The following ALDH1A1 variants were observed in gnomAD, a reference collection of about 807,000 sequenced individuals.
ALDH1A1 encodes aldehyde dehydrogenase 1A1.
ALDH1A1 carries 19 observed loss-of-function variants against 62.1 expected under a neutral mutation model. The observed-to-expected ratio is 0.31, with a 90% CI of 0.21 to 0.45. ALDH1A1 has a LOEUF of 0.45. Among genes scored for constraint, ALDH1A1 ranks in the 20% least tolerant of loss-of-function variants. The pLI, the probability that ALDH1A1 is intolerant of heterozygous loss-of-function variation, is 1.00. For synonymous variants in ALDH1A1, 231 were observed against 215.9 expected (o/e 1.07, Z -0.61); for missense variants, 521 against 607.1 (o/e 0.86, Z 1.49).
intron 9 of ALDH1A1, 79 bp from the exon 10 acceptor site, chr9:72,912,201 G>A (rs1387238085): frequency 6.0e-6 from 7 of 1,164,916 alleles, no homozygotes; most frequent in Non-Finnish European, 7.3e-6. Context: ...GTTAACAAGG[G>A]CTTCAAAATG....
chr9:72,906,054 T>A, intron 11 of ALDH1A1, 22 bp from the exon 12 acceptor site: 1 of 1,587,074 alleles, frequency 6.3e-7, no homozygotes, highest in African/African-American at 1.4e-5. Flanking sequence ...GAAAAGTGCA[T>A]TATAGACAAT....
At position 72,927,119 on chromosome 9, in the gene ALDH1A1, A is replaced by G; in HGVS notation, c.501T>C (p.Ile167=). The G allele has an allele frequency of 6.2e-7, 1 of 1,603,610 alleles. No homozygotes were observed. The highest frequency in any genetic ancestry group is 8.5e-7 in the Non-Finnish European group (1 of 1,174,848). Residue 167 remains isoleucine (I), a synonymous_variant, in exon 5 of 13, where the codon ATT becomes ATC. Coordinates refer to ENST00000297785, the MANE Select transcript of ALDH1A1 (RefSeq NM_000689.5). ...ATTATATAGGAGAAAAGCTTACAGG[A>G]ATGATTTGGCCACATACACCAATAG... ...HEPIGVCGQI[I]PWNFPLVMLI...
chr9:72,952,440 A>G (rs1830555044), intron 1 of ALDH1A1, among the ~76,000 whole-genome samples: 1 of 152,028 alleles, frequency 6.6e-6, no homozygotes, highest in Non-Finnish European at 1.5e-5. Context: ...GTCCATCTGA[A>G]GATTTTCGAA....
rs1272311283 is a variant in ALDH1A1, at chr9:72,940,268, G to A, written c.67-16C>T. 7.6e-6 allele frequency: 12 copies of A among 1,587,882 alleles called. No individual in the cohort carries two copies. The highest frequency in any genetic ancestry group is 1.0e-5 in the Non-Finnish European group (12 of 1,157,262). On this transcript the variant is annotated splice_polypyrimidine_tract_variant and intron_variant, in intron 1 of 12. Coordinates refer to ENST00000297785, the MANE Select transcript of ALDH1A1 (RefSeq NM_000689.5). ...TTATGAAGATCTGTAGAGATGAAGAGAAAATACATACAAGGCGCTTAAATA... is the reference window on the plus strand; with the variant it reads ...TTATGAAGATCTGTAGAGATGAAGAAAAAATACATACAAGGCGCTTAAATA...
chr9:72,941,090 A>G lies in ALDH1A1; in HGVS notation c.67-838T>C, dbSNP rs1830408783. 2.0e-5 allele frequency among the ~76,000 whole-genome samples: 3 copies of G among 152,344 alleles called. No homozygotes were observed. In the South Asian group the frequency reaches 6.2e-4, roughly 32 times the overall value. The stretch of plus-strand genomic sequence containing the variant: ...AATCATAAATACAGTCTTGGATAGT[A>G]TATAACTTTCTGTTAGACTTATGAC... On this transcript the variant is annotated intron_variant, in intron 1 of 12. Transcript: ENST00000297785.
intron 9 of ALDH1A1, among the ~76,000 whole-genome samples, chr9:72,914,075 G>A (rs997260915): frequency 1.3e-5 from 2 of 152,134 alleles, no homozygotes; most frequent in African/African-American, 4.8e-5. Context: ...TGGGCCATTG[G>A]CCTATGGGCT....
intron 12 of ALDH1A1, among the ~76,000 whole-genome samples, chr9:72,902,208 G>C (rs1829813541): frequency 6.6e-6 from 1 of 151,950 alleles, no homozygotes; most frequent in Admixed American, 6.6e-5. Context: ...GAAACTGACT[G>C]ATTTACCCCT....
intron 12 of ALDH1A1, among the ~76,000 whole-genome samples, chr9:72,903,485 T>C (rs1829832354): frequency 6.6e-6 from 1 of 152,052 alleles, no homozygotes; most frequent in East Asian, 1.9e-4. Flanking sequence ...CATTTGAGGT[T>C]ATCGCCTGAG....
chr9:72,908,289 G>C (rs1313098350), intron 11 of ALDH1A1, among the ~76,000 whole-genome samples: 1 of 151,402 alleles, frequency 6.6e-6, no homozygotes, highest in African/African-American at 2.4e-5. Context: ...ACAAAGATTA[G>C]CTGGGCTTGG....
At chr9:72,934,461 A>C (rs1258616116) in intron 2 of ALDH1A1, among the ~76,000 whole-genome samples, 1 of 152,188 alleles carries the variant, frequency 6.6e-6, no homozygotes, top group Non-Finnish European at 1.5e-5. Flanking sequence ...TCAAGGTCAA[A>C]GTCCTCCCTG....
At chr9:72,931,848 A>G (rs1052615513) in intron 2 of ALDH1A1, among the ~76,000 whole-genome samples, 1 of 152,228 alleles carries the variant, frequency 6.6e-6, no homozygotes, top group East Asian at 1.9e-4. Context: ...TGCATGGCTT[A>G]AAACTACATT....
At chr9:72,906,417 T>C (rs1475468210) in intron 11 of ALDH1A1, among the ~76,000 whole-genome samples, 1 of 152,200 alleles carries the variant, frequency 6.6e-6, no homozygotes, top group Non-Finnish European at 1.5e-5. Context: ...TGTAATTCTC[T>C]TGATGTTTCT....
intron 9 of ALDH1A1, among the ~76,000 whole-genome samples, chr9:72,915,457 C>G (rs997830254): frequency 1.3e-4 from 19 of 151,750 alleles, no homozygotes; most frequent in Non-Finnish European, 2.2e-4. Flanking sequence ...ATAATCACAA[C>G]AAAAAACATA....
intron 7 of ALDH1A1, among the ~76,000 whole-genome samples, chr9:72,921,990 GC>G (rs1830152044): frequency 6.6e-6 from 1 of 152,036 alleles, no homozygotes; most frequent in Admixed American, 6.6e-5. Flanking sequence ...TGAACTAAAA[GC>G]CTGGGGGAAT....
At chr9:72,909,048 T>C (rs1829943484) in intron 11 of ALDH1A1, among the ~76,000 whole-genome samples, 1 of 152,034 alleles carries the variant, frequency 6.6e-6, no homozygotes, top group African/African-American at 2.4e-5. Context: ...TACTTGGCAA[T>C]TCTTATATTG....
chr9:72,949,006 T>C (rs1830506534), intron 1 of ALDH1A1, among the ~76,000 whole-genome samples: 1 of 151,874 alleles, frequency 6.6e-6, no homozygotes, highest in African/African-American at 2.4e-5. Context: ...CAATGATTCA[T>C]AACTCTTCTC....
intron 11 of ALDH1A1, among the ~76,000 whole-genome samples, chr9:72,907,033 T>A (rs1267016883): frequency 2.0e-5 from 3 of 152,180 alleles, no homozygotes; most frequent in African/African-American, 7.2e-5. Flanking sequence ...GGCTTCCAGA[T>A]AAATTGTATT....
At chr9:72,944,503 C>A (rs1218908258) in intron 1 of ALDH1A1, among the ~76,000 whole-genome samples, 2 of 151,926 alleles carry the variant, frequency 1.3e-5, no homozygotes, top group East Asian at 1.9e-4. Flanking sequence ...ATTATAGGAG[C>A]TTTACATTGG....
intron 9 of ALDH1A1, among the ~76,000 whole-genome samples, chr9:72,912,615 C>G (rs1830006516): frequency 3.3e-5 from 5 of 152,048 alleles, no homozygotes; most frequent in Admixed American, 3.3e-4. Flanking sequence ...TCTGAATCAC[C>G]CACTCTGACC....
Sources: gnomAD v4.1 joint callset for allele counts (sites outside exome capture counted in the v4.1 genomes callset) on GRCh38, gnomAD v4.1.1 for gene constraint, MANE v1.5 for transcripts, NCBI Gene and HGNC (gene_info 2026-07-23, HGNC 2026-07-21) for gene names.